The following KHDC4 variants were observed in gnomAD, a reference collection of about 807,000 sequenced individuals.
KHDC4 encodes KH homology domain-containing protein 4.
KHDC4 carries 19 observed loss-of-function variants against 74.5 expected under a neutral mutation model. That is an observed-to-expected ratio of 0.26 (90% confidence interval 0.18 to 0.37). KHDC4 has a LOEUF of 0.37. KHDC4 is among the 10% of genes least tolerant of loss of function. The pLI, the probability that KHDC4 is intolerant of heterozygous loss-of-function variation, is 1.00. For synonymous variants in KHDC4, 253 were observed against 266.1 expected (o/e 0.95, Z 0.48); for missense variants, 632 against 754.1 (o/e 0.84, Z 1.90).
chr1:155,914,395 A>T (rs1201114838), intron 13 of KHDC4, 75 bp from the exon 14 acceptor site: 43 of 1,194,198 alleles, frequency 3.6e-5, no homozygotes, highest in Non-Finnish European at 5.0e-5. Flanking sequence ...TTCGTTAATT[A>T]AAAAAAAGAT....
At chr1:155,926,405 C>A in intron 6 of KHDC4, 1 of 434,634 alleles carries the variant, frequency 2.3e-6, no homozygotes, top group Non-Finnish European at 4.3e-6. Context: ...TCTCAGCTCC[C>A]TGCAACCTCC....
intron 11 of KHDC4, among the ~76,000 whole-genome samples, chr1:155,917,210 T>A (rs1409430869): frequency 6.6e-6 from 1 of 152,144 alleles, no homozygotes; most frequent in Non-Finnish European, 1.5e-5. Context: ...GAGGGAGATA[T>A]CACTCTCTTT....
At chr1:155,925,559 C>A in intron 7 of KHDC4, 73 bp downstream of exon 7, 1 of 1,182,836 alleles carries the variant, frequency 8.5e-7, no homozygotes, top group South Asian at 1.2e-5. Flanking sequence ...TTCTCTTGCT[C>A]CTTCTGAATC....
chr1:155,914,420 G>T, intron 13 of KHDC4, 100 bp from the exon 14 acceptor site: 1 of 992,954 alleles, frequency 1.0e-6, no homozygotes, highest in Non-Finnish European at 1.5e-6. Context: ...ATTTTAAGTG[G>T]TTAGTTGGAC....
chr1:155,924,368 C>G (rs1673936092), intron 7 of KHDC4, among the ~76,000 whole-genome samples: 1 of 151,938 alleles, frequency 6.6e-6, no homozygotes, highest in African/African-American at 2.4e-5. Flanking sequence ...GCCACCATGC[C>G]TGGCTAATTT....
intron 2 of KHDC4, among the ~76,000 whole-genome samples, chr1:155,931,571 T>C (rs1674142803): frequency 1.3e-5 from 2 of 152,154 alleles, no homozygotes; most frequent in Non-Finnish European, 2.9e-5. Context: ...ACCACAGGCA[T>C]GCACCACACC....
intron 7 of KHDC4, 86 bp from the exon 8 acceptor site, chr1:155,923,773 A>G (rs192024837): frequency 8.0e-5 from 80 of 994,862 alleles, no homozygotes; most frequent in South Asian, 1.6e-4. Context: ...GCTATTTTAC[A>G]TATCTACATT....
intron 4 of KHDC4, among the ~76,000 whole-genome samples, chr1:155,927,803 CAAAAAAAAAA>C (rs1157393289): frequency 6.1e-4 from 5 of 8,138 alleles, no homozygotes; most frequent in African/African-American, 2.3e-3. Context: ...ACTCTGTCTC[CAAAAAAAAAA>C]AAAAAAAAAA....
rs1358192704 is a variant in KHDC4 at position 155,917,589 on chromosome 1, C to T, written c.1350G>A (p.Gln450=). 2.5e-5 allele frequency: 14 copies of T among 568,712 alleles called. No homozygotes were observed. Among genetic ancestry groups the T allele is most frequent in the Non-Finnish European group, 3.6e-5 (13 of 361,972 alleles). The allele number at this position is 568,712 out of a possible 1,614,324, so 35.2% of individuals were successfully genotyped here. A position where few individuals can be genotyped will look rare whatever the true frequency, so the allele number is the denominator to read the frequency against. The stretch of plus-strand genomic sequence containing the variant: ...CCTGGGGCTGACTTGGGAGTGGGGG[C>T]TGGGGCTGGGGCTGGGGCTGGGGGC... ...PAGPQPQPQP[Q]PPLPSQPQAQ... The change falls in exon 11 of 14, where the codon CAG becomes CAA. Residue 450 remains glutamine (Q), a synonymous_variant. Coordinates refer to ENST00000368321, the MANE Select transcript of KHDC4 (RefSeq NM_014949.4).
Position 155,929,291 on chromosome 1 carries a change from C to T in KHDC4, c.464+5G>A, listed in dbSNP as rs1674094057. 2 of 1,605,164 alleles carry T rather than the reference C, an allele frequency of 1.2e-6. No homozygotes were observed. Among genetic ancestry groups the T allele is most frequent in the South Asian group, 1.1e-5 (1 of 90,914 alleles). On this transcript the variant is annotated splice_donor_5th_base_variant and intron_variant, in intron 4 of 13. Transcript: ENST00000368321. ...CTTCCATAAACAAGATAAGAGAATA[C>T]GCACCCTGGTCCCACTTTGGCTTTT...
chr1:155,921,285 A>G (rs1280388419), intron 10 of KHDC4, 90 bp downstream of exon 10: 4 of 1,441,282 alleles, frequency 2.8e-6, no homozygotes, highest in Non-Finnish European at 3.9e-6. Context: ...TCCACATCAC[A>G]TGATTTATTT....
Position 155,933,616 on chromosome 1 carries a change from C to T in KHDC4, c.255+17G>A. On this transcript the variant is annotated intron_variant, in intron 2 of 13. Transcript: ENST00000368321. ...TATTAAATTCGCAATTAGTGGAGAC[C>T]CTTCAACTTCAAATACCTTCTCAGA... is the stretch of plus-strand genomic sequence containing the variant. The T allele has an allele frequency of 6.3e-7, 1 of 1,580,234 alleles. No individual in the cohort carries two copies. Among genetic ancestry groups the T allele is most frequent in the Non-Finnish European group, 8.7e-7 (1 of 1,153,940 alleles).
At chr1:155,916,780 G>C (rs1262566123) in intron 11 of KHDC4, 43 bp from the exon 12 acceptor site, 1 of 1,329,244 alleles carries the variant, frequency 7.5e-7, no homozygotes, top group Admixed American at 1.8e-5. Context: ...ATCTACAACT[G>C]CCGTATTGAC....
At chr1:155,932,389 T>A (rs1176164974) in intron 2 of KHDC4, 1 of 151,740 alleles carries the variant, frequency 6.6e-6, no homozygotes, top group East Asian at 1.9e-4. Context: ...ACGAGAAAGC[T>A]GAGTTTCATT....
rs778235232 is a variant in KHDC4 at position 155,921,892 on chromosome 1, C to G, written c.981G>C (p.Val327=). Reference sequence around the variant, plus strand: ...AAGGTACAGCAGTATTAATCTGATTCACAAATCTAGAGTATTCAGCATGAA... The same window carrying G: ...AAGGTACAGCAGTATTAATCTGATTGACAAATCTAGAGTATTCAGCATGAA... ...QTVHAEYSRF[V]NQINTAVPLP... is the part of the protein sequence containing the mutation. Residue 327 remains valine (V), a synonymous_variant, in exon 9 of 14, where the codon GTG becomes GTC. Coordinates refer to ENST00000368321, the MANE Select transcript of KHDC4 (RefSeq NM_014949.4). The G allele has an allele frequency of 2.5e-6, 4 of 1,609,142 alleles. No homozygotes were observed. The highest frequency in any genetic ancestry group is 3.4e-6 in the Non-Finnish European group (4 of 1,176,586).
chr1:155,913,924 A>G lies in KHDC4; in HGVS notation c.*197T>C. The G allele has an allele frequency of 1.8e-6, 1 of 568,994 alleles. No individual in the cohort carries two copies. The highest frequency in any genetic ancestry group is 2.9e-5 in the East Asian group (1 of 34,886). The allele number at this position is 568,994 out of a possible 1,614,324, so 35.2% of individuals were successfully genotyped here. On this transcript the variant is annotated 3_prime_UTR_variant, in exon 14 of 14. Transcript: ENST00000368321. ...AATTTGTGATTCTAATTAAATTTTA[A>G]CAGATTCTATGCCACTGCAGAAATA... is the stretch of plus-strand genomic sequence containing the variant.
intron 8 of KHDC4, among the ~76,000 whole-genome samples, chr1:155,923,211 T>G (rs1187298731): frequency 6.6e-6 from 1 of 150,962 alleles, no homozygotes; most frequent in Non-Finnish European, 1.5e-5. Context: ...AAGACAGTCC[T>G]AAGGTTTAAC....
chr1:155,922,348 T>C (rs1307986302), intron 8 of KHDC4, among the ~76,000 whole-genome samples: 1 of 152,116 alleles, frequency 6.6e-6, no homozygotes, highest in Admixed American at 6.5e-5. Context: ...GGTTTCACGA[T>C]GTTGGCCAGG....
In KHDC4 at chr1:155,921,614, A is replaced by C. The variant is rs377674825; in HGVS notation, c.1027T>G (p.Ser343Ala). The change falls in exon 10 of 14, where the codon TCT becomes GCT. Residue 343 changes from serine (S) to alanine (A), a missense_variant. This residue lies in a region of KHDC4 where 254 missense variants were observed against 267.4 expected (regional missense o/e 0.95). Coordinates refer to ENST00000368321, the MANE Select transcript of KHDC4 (RefSeq NM_014949.4). ...TGAGGAGGGACACTACTTATAGCAG[A>C]GGGTTGTGTATAGCCTGAGGGGGAA... ...AVPLPGYTQPSAISSVPPQPP... is the reference protein window; with the variant it reads ...AVPLPGYTQPAAISSVPPQPP... The C allele has an allele frequency of 6.2e-7, 1 of 1,613,792 alleles. No individual in the cohort carries two copies. Among genetic ancestry groups the C allele is most frequent in the Non-Finnish European group, 8.5e-7 (1 of 1,179,858 alleles).
Sources: gnomAD v4.1 joint callset for allele counts (sites outside exome capture counted in the v4.1 genomes callset) on GRCh38, gnomAD v4.1.1 for gene constraint, gnomAD v4.1.1 regional missense constraint, MANE v1.5 for transcripts, NCBI Gene and HGNC (gene_info 2026-07-23, HGNC 2026-07-21) for gene names.